The following CDC123 variants were observed in gnomAD, a reference collection of about 807,000 sequenced individuals.
CDC123 encodes the protein translation initiation factor eIF2 assembly protein.
CDC123 carries 37 observed loss-of-function variants against 54.4 expected under a neutral mutation model. The ratio of observed to expected loss-of-function variants is 0.68; its 90% CI spans 0.52 to 0.89. The LOEUF (loss-of-function observed/expected upper bound fraction) is 0.89, where lower values mean the gene tolerates loss of function less well. Ranked by LOEUF, CDC123 falls within the 40% of genes least tolerant of loss-of-function variation. The pLI is 0.00. For missense variants in CDC123, 361 were observed against 412.1 expected (o/e 0.88, Z 1.07); for synonymous variants, 144 against 136.8 (o/e 1.05, Z -0.37).
chr10:12,206,829 G>C (rs893113240), intron 2 of CDC123, among the ~76,000 whole-genome samples: 1 of 151,896 alleles, frequency 6.6e-6, no homozygotes, highest in African/African-American at 2.4e-5. Context: ...TGTGGTGGCG[G>C]GCGCCTGGAG....
At chr10:12,205,757 C>T (rs1464768486) in intron 2 of CDC123, among the ~76,000 whole-genome samples, 1 of 151,918 alleles carries the variant, frequency 6.6e-6, no homozygotes, top group African/African-American at 2.4e-5. Flanking sequence ...TAGTTCTCTG[C>T]ATGCAGAGGG....
chr10:12,250,232 C>A, intron 12 of CDC123, 79 bp from the exon 13 acceptor site: 1 of 832,902 alleles, frequency 1.2e-6, no homozygotes, highest in Non-Finnish European at 1.9e-6. Flanking sequence ...TTGCCAAGAC[C>A]TCTAGAAAAT....
At chr10:12,230,199 G>GTT (rs944358687) in intron 6 of CDC123, among the ~76,000 whole-genome samples, 1 of 145,574 alleles carries the variant, frequency 6.9e-6, no homozygotes, top group East Asian at 2.0e-4. Context: ...TGTTTTTTGG[G>GTT]TTTTTTTTTT....
rs746774322 is a variant in CDC123, at chr10:12,250,366, GC to G, written c.*33del. 10 of 1,575,168 alleles carry G rather than the reference GC, an allele frequency of 6.3e-6. No homozygotes were observed. The highest frequency in any genetic ancestry group is 1.3e-5 in the African/African-American group (1 of 74,210). On this transcript the variant is annotated 3_prime_UTR_variant, in exon 13 of 13. Coordinates refer to ENST00000281141, the MANE Select transcript of CDC123 (RefSeq NM_006023.3). ...GCGTACTGGAACTGGAGAAGAGGAG[GC>G]CCCGCCCCACCGCTCCGGGAGCTGC...
chr10:12,212,731 C>T (rs1835619086), intron 4 of CDC123, among the ~76,000 whole-genome samples: 1 of 152,172 alleles, frequency 6.6e-6, no homozygotes, highest in Non-Finnish European at 1.5e-5. Flanking sequence ...AGGTGCACAA[C>T]CCAGCTCATT....
intron 2 of CDC123, among the ~76,000 whole-genome samples, chr10:12,209,497 A>AAATTACAC (rs1835567391): frequency 6.6e-6 from 1 of 152,172 alleles, no homozygotes; most frequent in African/African-American, 2.4e-5. Context: ...AGCCTCTCAA[A>AAATTACAC]GTGCTGAAAT....
At chr10:12,248,991 G>A (rs1836197903) in intron 11 of CDC123, among the ~76,000 whole-genome samples, 1 of 151,748 alleles carries the variant, frequency 6.6e-6, no homozygotes, top group African/African-American at 2.4e-5. Context: ...CGCGCCTGTA[G>A]TCCCAGCTAC....
At chr10:12,222,846 C>T (rs1034719196) in intron 6 of CDC123, among the ~76,000 whole-genome samples, 5 of 152,092 alleles carry the variant, frequency 3.3e-5, no homozygotes, top group Admixed American at 2.6e-4. Context: ...CTCTGCCTCC[C>T]ACAGTCCCAG....
At chr10:12,198,655 C>G (rs757729291) in intron 1 of CDC123, 50 bp from the exon 2 acceptor site, 3 of 955,086 alleles carry the variant, frequency 3.1e-6, no homozygotes, top group Non-Finnish European at 5.0e-6. Context: ...TTTCTCTCTG[C>G]TTATAGTTGG....
chr10:12,244,516 C>T (rs990712721), intron 10 of CDC123, among the ~76,000 whole-genome samples: 5 of 152,196 alleles, frequency 3.3e-5, no homozygotes, highest in Non-Finnish European at 4.4e-5. Context: ...AGCCCTACCT[C>T]AGCACAGTGC....
At chr10:12,221,069 T>C (rs1388592283) in intron 6 of CDC123, among the ~76,000 whole-genome samples, 2 of 151,010 alleles carry the variant, frequency 1.3e-5, no homozygotes, top group South Asian at 2.1e-4. Flanking sequence ...CAGTTATATA[T>C]AATATGTATA....
At chr10:12,242,195 T>G (rs1032658724) in intron 10 of CDC123, among the ~76,000 whole-genome samples, 1 of 152,190 alleles carries the variant, frequency 6.6e-6, no homozygotes, top group Non-Finnish European at 1.5e-5. Flanking sequence ...GCCGTCGTTC[T>G]TGTTAAGTGG....
chr10:12,228,952 C>A (rs1236252337), intron 6 of CDC123, among the ~76,000 whole-genome samples: 1 of 151,952 alleles, frequency 6.6e-6, no homozygotes, highest in South Asian at 2.1e-4. Context: ...TGAACTCAAG[C>A]AATCGGCCCG....
chr10:12,237,237 A>G lies in CDC123; in HGVS notation c.659A>G (p.His220Arg), dbSNP rs543330915. Residue 220 changes from histidine (H) to arginine (R), a missense_variant, in exon 9 of 13, where the codon CAC (histidine) becomes CGC (arginine). Coordinates refer to ENST00000281141, the MANE Select transcript of CDC123 (RefSeq NM_006023.3). ...RRCIQDFFKK[H>R]IQYKFLDEDF... ...TGCATACAAGACTTTTTCAAGAAAC[A>G]CATACAGTACAAATTCTTAGATGAA... 1.0e-5 allele frequency: 16 copies of G among 1,577,090 alleles called. No individual in the cohort carries two copies. Among genetic ancestry groups the G allele is most frequent in the Non-Finnish European group, 1.4e-5 (16 of 1,168,732 alleles).
At chr10:12,236,615 C>T (rs1428036546) in intron 8 of CDC123, among the ~76,000 whole-genome samples, 2 of 148,566 alleles carry the variant, frequency 1.3e-5, no homozygotes, top group Non-Finnish European at 3.0e-5. Flanking sequence ...AAAAAAAAGG[C>T]CAGGTGCGGT....
chr10:12,235,016 G>C (rs1176826789), intron 7 of CDC123, 32 bp from the exon 8 acceptor site: 1 of 1,546,492 alleles, frequency 6.5e-7, no homozygotes, highest in South Asian at 1.1e-5. Context: ...ACATAGGTGT[G>C]TTATATTAAA....
intron 10 of CDC123, among the ~76,000 whole-genome samples, chr10:12,243,927 G>A (rs1836093686): frequency 6.6e-6 from 1 of 152,310 alleles, no homozygotes; most frequent in Non-Finnish European, 1.5e-5. Context: ...TTTGACGGCT[G>A]ATACTGTTTC....
At position 12,211,184 on chromosome 10, in the gene CDC123, G is replaced by C. The variant is rs17151411; in HGVS notation, c.237+862G>C. ...TTTTTAAATGAAGGTATTTTTAAAG[G>C]AGTGAGTGAAGCAAATGATCTATTT... On this transcript the variant is annotated intron_variant, in intron 4 of 12. Transcript: ENST00000281141. 6.0e-3 allele frequency among the ~76,000 whole-genome samples: 920 copies of C among 152,288 alleles called. 10 individuals are homozygous for C. Among genetic ancestry groups the C allele is most frequent in the African/African-American group, 0.021 (882 of 41,552 alleles).
intron 6 of CDC123, among the ~76,000 whole-genome samples, chr10:12,221,229 G>A (rs1048989447): frequency 2.6e-5 from 4 of 151,800 alleles, no homozygotes; most frequent in African/African-American, 4.8e-5. Flanking sequence ...ATTTAACGAG[G>A]AGCCTGGAGA....
Sources: gnomAD v4.1 joint callset for allele counts (sites outside exome capture counted in the v4.1 genomes callset) on GRCh38, gnomAD v4.1.1 for gene constraint, MANE v1.5 for transcripts, NCBI Gene and HGNC (gene_info 2026-07-23, HGNC 2026-07-21) for gene names.